Variants in KIF16B observed in about 807,000 individuals in gnomAD.
KIF16B encodes the protein kinesin family member 16B.
In KIF16B, 98 loss-of-function variants were observed where a neutral mutation model predicts 156.3. The observed-to-expected ratio is 0.63, with a 90% CI of 0.53 to 0.74. The LOEUF is 0.74. Among genes scored for constraint, KIF16B ranks in the 30% least tolerant of loss-of-function variants. The probability of loss-of-function intolerance (pLI) is 0.00; values close to 1 mark genes in which losing one functional copy is unlikely to be tolerated. For synonymous variants in KIF16B, 564 were observed against 583.7 expected, an observed-to-expected ratio of 0.97 and a Z score of 0.49; for missense variants, 1,421 against 1,606.5, an observed-to-expected ratio of 0.88 and a Z score of 1.97.
intron 12 of KIF16B, among the ~76,000 whole-genome samples, chr20:16,455,216 T>A (rs1481399695): frequency 6.6e-6 from 1 of 152,140 alleles, no homozygotes; most frequent in Non-Finnish European, 1.5e-5. Context: ...AATATATTTA[T>A]AACAAAAACA....
At chr20:16,313,230 G>A (rs1320788924) in intron 24 of KIF16B, among the ~76,000 whole-genome samples, 3 of 152,010 alleles carry the variant, frequency 2.0e-5, no homozygotes, top group Non-Finnish European at 2.9e-5. Flanking sequence ...TTCTCAATTT[G>A]TCAGGACCAG....
chr20:16,374,285 A>AT lies in KIF16B; in HGVS notation c.3321dup (p.Ser1108IlefsTer16). 6.3e-7 allele frequency: 1 copy of AT among 1,596,898 alleles called. No individual in the cohort carries two copies. On this transcript the variant is annotated frameshift_variant, in exon 20 of 26. Transcript: ENST00000354981. LOFTEE classifies it high-confidence loss of function. ...GCATCCATGAGGGGAACCAGGTGTG[A>AT]TTTTTCAGCACTGACTGGCAAGCTG...
intron 12 of KIF16B, among the ~76,000 whole-genome samples, chr20:16,445,908 A>G (rs983167911): frequency 6.6e-6 from 1 of 152,116 alleles, no homozygotes; most frequent in Non-Finnish European, 1.5e-5. Context: ...TTATTATGTT[A>G]GTAGTTCCTT....
intron 3 of KIF16B, among the ~76,000 whole-genome samples, chr20:16,516,319 C>T (rs1449974391): frequency 2.0e-5 from 3 of 152,112 alleles, no homozygotes; most frequent in South Asian, 2.1e-4. Flanking sequence ...CCTGAATCCA[C>T]GTCCGATGTT....
chr20:16,566,466 G>A (rs143705395), intron 1 of KIF16B, among the ~76,000 whole-genome samples: 2 of 152,310 alleles, frequency 1.3e-5, no homozygotes, highest in East Asian at 3.9e-4. Context: ...ACACTAATTG[G>A]CGAAAGACAG....
Position 16,571,966 on chromosome 20 carries a change from A to G in KIF16B, c.47+1263T>C, listed in dbSNP as rs978946593. 3.3e-5 allele frequency among the ~76,000 whole-genome samples: 5 copies of G among 152,204 alleles called. No homozygotes were observed. The East Asian group carries it at 7.7e-4, about 23-fold the overall frequency. On this transcript the variant is annotated intron_variant, in intron 1 of 25. Coordinates refer to ENST00000354981, the MANE Select transcript of KIF16B (RefSeq NM_024704.5). ...AAGTTACACAATACAATTTTCTAGC[A>G]TGTGTTCACCTTTTTCCAAAAAAGA...
intron 25 of KIF16B, among the ~76,000 whole-genome samples, chr20:16,288,940 T>C (rs2063271955): frequency 1.6e-5 from 2 of 125,064 alleles, no homozygotes; most frequent in African/African-American, 6.1e-5. Flanking sequence ...GTATCTGTTC[T>C]TAGTAAGTAC....
chr20:16,381,761 A>G lies in KIF16B; in HGVS notation c.1785-14T>C. On this transcript the variant is annotated splice_polypyrimidine_tract_variant and intron_variant, in intron 17 of 25. Coordinates refer to ENST00000354981, the MANE Select transcript of KIF16B (RefSeq NM_024704.5). ...TCAAATTCAAGTCTAATAAAATCAA[A>G]TGAAAATGAGTCACTTTTCTAAAGA... 1.2e-6 allele frequency: 2 copies of G among 1,603,470 alleles called. No homozygotes were observed. The highest frequency in any genetic ancestry group is 1.7e-6 in the Non-Finnish European group (2 of 1,172,124).
At chr20:16,525,434 C>T (rs192380054) in intron 3 of KIF16B, among the ~76,000 whole-genome samples, 1 of 152,220 alleles carries the variant, frequency 6.6e-6, no homozygotes, top group East Asian at 1.9e-4. Context: ...TTTTCCCCAC[C>T]CCGAGAAATA....
At chr20:16,301,737 C>G (rs1372064884) in intron 25 of KIF16B, among the ~76,000 whole-genome samples, 1 of 151,994 alleles carries the variant, frequency 6.6e-6, no homozygotes, top group African/African-American at 2.4e-5. Context: ...CTCACTGCAA[C>G]CTCCTGGGTT....
chr20:16,340,993 C>T (rs1395037923), intron 23 of KIF16B, among the ~76,000 whole-genome samples: 1 of 152,118 alleles, frequency 6.6e-6, no homozygotes, highest in Non-Finnish European at 1.5e-5. Context: ...GCATCCAATA[C>T]ACCCCCTTCT....
intron 3 of KIF16B, among the ~76,000 whole-genome samples, chr20:16,518,241 A>G (rs762820035): frequency 3.9e-5 from 6 of 152,160 alleles, no homozygotes; most frequent in African/African-American, 1.4e-4. Context: ...AGGTCTTGGC[A>G]AGGAAATCGA....
rs201073067 is a variant in KIF16B at position 16,379,256 on chromosome 20, G to A, written c.2746C>T (p.His916Tyr). 3 of 1,614,082 alleles carry A rather than the reference G, an allele frequency of 1.9e-6. No homozygotes were observed. The Admixed American group carries it at 5.0e-5, about 27-fold the overall frequency. Residue 916 changes from histidine to tyrosine, a missense_variant, in exon 19 of 26, where the codon CAC becomes TAC. His to Tyr is a moderately conservative substitution (Grantham distance 83). Transcript: ENST00000354981. ...ERQLQYLLQNHLPTLLEEKQR... is the reference protein window; with the variant it reads ...ERQLQYLLQNYLPTLLEEKQR... ...TTTTCTTCCAACAGAGTTGGCAAGT[G>A]ATTCTGCAGGAGGTACTGTAGCTGG... is the stretch of plus-strand genomic sequence containing the variant.
intron 12 of KIF16B, among the ~76,000 whole-genome samples, chr20:16,436,076 G>C (rs1474345145): frequency 6.6e-6 from 1 of 151,626 alleles, no homozygotes; most frequent in Non-Finnish European, 1.5e-5. Context: ...TTCTCTACCA[G>C]CCCATCTGCC....
intron 24 of KIF16B, among the ~76,000 whole-genome samples, chr20:16,322,640 T>C (rs1175953213): frequency 1.3e-5 from 2 of 152,000 alleles, no homozygotes; most frequent in Admixed American, 1.3e-4. Context: ...TAAGTTGATT[T>C]TTCTCTTTCT....
intron 12 of KIF16B, among the ~76,000 whole-genome samples, chr20:16,465,913 G>T (rs889619578): frequency 1.3e-5 from 2 of 152,038 alleles, no homozygotes; most frequent in African/African-American, 4.8e-5. Flanking sequence ...TCCATATCCC[G>T]TGTCTCAGAC....
intron 12 of KIF16B, among the ~76,000 whole-genome samples, chr20:16,479,562 T>C (rs570492520): frequency 2.0e-5 from 3 of 152,176 alleles, no homozygotes; most frequent in African/African-American, 7.2e-5. Flanking sequence ...CAAAAAAATA[T>C]ACAGTTGTGC....
At position 16,385,320 on chromosome 20, in the gene KIF16B, T is replaced by C. The variant is rs183848108; in HGVS notation, c.1785-3573A>G. On this transcript the variant is annotated intron_variant, in intron 17 of 25. Transcript: ENST00000354981. ...TCTCCTGACACTCAGCAGGTTGAAC[T>C]GACAAAACTTGGCAACTGGTGGCAT... Among the ~76,000 whole-genome samples, 7 of 152,236 alleles carry C rather than the reference T, an allele frequency of 4.6e-5. No homozygotes were observed. The East Asian group carries it at 1.4e-3, about 29-fold the overall frequency.
At position 16,506,113 on chromosome 20, in the gene KIF16B, T is replaced by G. The variant is rs1270360457; in HGVS notation, c.777A>C (p.Ala259=). ...TAACCCCGGTGGCTCCGGTGGCATCTGCACGCTCACTTCCGGCAAGATCAA... is the reference window on the plus strand; with the variant it reads ...TAACCCCGGTGGCTCCGGTGGCATCGGCACGCTCACTTCCGGCAAGATCAA... ...HLVDLAGSER[A]DATGATGVRL... The change falls in exon 8 of 26, where the codon GCA becomes GCC. Residue 259 remains alanine, a synonymous_variant. Coordinates refer to ENST00000354981, the MANE Select transcript of KIF16B (RefSeq NM_024704.5). 4 of 1,614,054 alleles carry G rather than the reference T, an allele frequency of 2.5e-6. No homozygotes were observed. The African/African-American group carries it at 5.3e-5, about 22-fold the overall frequency.
Sources: allele counts gnomAD v4.1 joint callset (sites outside exome capture counted in the v4.1 genomes callset), GRCh38; gene constraint gnomAD v4.1.1; transcripts MANE v1.5; gene names NCBI Gene and HGNC (gene_info 2026-07-23, HGNC 2026-07-21).